Variants in DPP10 observed in about 807,000 individuals in gnomAD.
The protein encoded by DPP10 is inactive dipeptidyl peptidase 10.
In DPP10, 33 loss-of-function variants were observed where a neutral mutation model predicts 120.9. The ratio of observed to expected loss-of-function variants is 0.27; its 90% confidence interval spans 0.21 to 0.37. The LOEUF (loss-of-function observed/expected upper bound fraction) is 0.37, where lower values mean the gene tolerates loss of function less well. Among genes scored for constraint, DPP10 ranks in the 10% least tolerant of loss-of-function variants. DPP10 has a pLI of 1.00. For synonymous variants in DPP10, 337 were observed against 326.1 expected (o/e 1.03, Z -0.36); for missense variants, 816 against 942.8 (o/e 0.87, Z 1.76).
chr2:114,583,889 C>G (rs538232676), intron 1 of DPP10, among the ~76,000 whole-genome samples: 1 of 152,252 alleles, frequency 6.6e-6, no homozygotes, highest in Admixed American at 6.5e-5. Context: ...TGAATCCTTG[C>G]TTAATATAAT....
At chr2:115,666,566 T>C (rs926663223) in intron 5 of DPP10, among the ~76,000 whole-genome samples, 1 of 152,162 alleles carries the variant, frequency 6.6e-6, no homozygotes, top group Non-Finnish European at 1.5e-5. Context: ...GCTATATCCA[T>C]GATGCTGCAA....
chr2:115,629,228 G>C (rs1307903426), intron 5 of DPP10, among the ~76,000 whole-genome samples: 1 of 152,120 alleles, frequency 6.6e-6, no homozygotes, highest in Admixed American at 6.5e-5. Flanking sequence ...GTGGACATTT[G>C]GGTTGGTTCC....
intron 1 of DPP10, among the ~76,000 whole-genome samples, chr2:115,123,005 C>T (rs944149044): frequency 9.2e-5 from 14 of 152,272 alleles, no homozygotes; most frequent in African/African-American, 3.1e-4. Context: ...GGGTTGTACG[C>T]CCTCAGCCAA....
rs114905229 is a variant in DPP10, at chr2:115,598,391, A to G, written c.441+72419A>G. ...TCCCTTCCCTGCCTTCTTCTTAATT[A>G]CTTGAATATATTTTTAGAATTCAAT... On this transcript the variant is annotated intron_variant, in intron 5 of 25. Transcript: ENST00000410059. Among the ~76,000 whole-genome samples, 123 of 151,968 alleles carry G rather than the reference A, an allele frequency of 8.1e-4. 1 individual carries two copies. The highest frequency in any genetic ancestry group is 2.8e-3 in the African/African-American group (116 of 41,494).
chr2:115,521,245 A>G (rs959246044), intron 4 of DPP10, among the ~76,000 whole-genome samples: 21 of 152,340 alleles, frequency 1.4e-4, no homozygotes, highest in Admixed American at 3.3e-4. Context: ...CCCACCCGGT[A>G]GAGCATGTCA....
chr2:115,814,810 G>A lies in DPP10; in HGVS notation c.1718G>A (p.Gly573Asp). 6.4e-7 allele frequency: 1 copy of A among 1,553,498 alleles called. No individual in the cohort carries two copies. Among genetic ancestry groups the A allele is most frequent in the Non-Finnish European group, 8.8e-7 (1 of 1,136,942 alleles). Reference protein sequence around the residue: ...LLLIMDEEPGGQLVTDKFHID... With the variant: ...LLLIMDEEPGDQLVTDKFHID... ...ATTTGCAGGGATGAAGAACCAGGAG[G>A]CCAGCTGGTTACAGATAAGTTCCAT... Residue 573 changes from glycine (G) to aspartate (D), a missense_variant, in exon 20 of 26, where the codon GGC becomes GAC. This residue lies in a region of DPP10 where 592 missense variants were observed against 649.0 expected (regional missense o/e 0.91). Transcript: ENST00000410059.
chr2:114,500,664 AAAAAC>A (rs199948944), intron 1 of DPP10, among the ~76,000 whole-genome samples: 1,828 of 152,314 alleles, frequency 0.012, 39 homozygotes, highest in African/African-American at 0.04. Flanking sequence ...AGGATCCAGG[AAAAAC>A]AAAACAAAAC....
At chr2:115,639,100 G>A (rs553675201) in intron 5 of DPP10, among the ~76,000 whole-genome samples, 1 of 152,254 alleles carries the variant, frequency 6.6e-6, no homozygotes, top group East Asian at 1.9e-4. Flanking sequence ...AGTCAGCAGG[G>A]CCAGCTACTG....
intron 21 of DPP10, among the ~76,000 whole-genome samples, chr2:115,832,056 C>T (rs1045942738): frequency 3.3e-5 from 5 of 152,158 alleles, no homozygotes; most frequent in Non-Finnish European, 5.9e-5. Flanking sequence ...AAGTTGAAAG[C>T]GTTCTTATAT....
intron 1 of DPP10, among the ~76,000 whole-genome samples, chr2:114,986,430 C>A (rs1318619128): frequency 6.6e-6 from 1 of 152,184 alleles, no homozygotes; most frequent in African/African-American, 2.4e-5. Context: ...TTCCACCATT[C>A]TCAGCAATAT....
chr2:115,170,647 G>T (rs1011974214), intron 1 of DPP10, among the ~76,000 whole-genome samples: 2 of 152,080 alleles, frequency 1.3e-5, no homozygotes, highest in African/African-American at 4.8e-5. Flanking sequence ...AATAAATAAA[G>T]TGAACATATT....
At chr2:114,646,533 C>T (rs943760834) in intron 1 of DPP10, among the ~76,000 whole-genome samples, 2 of 152,128 alleles carry the variant, frequency 1.3e-5, no homozygotes, top group Admixed American at 6.5e-5. Context: ...GAGGAACTCC[C>T]CAAATTAATT....
rs1308652252 is a variant in DPP10, at chr2:115,843,612, T to C, written c.*1267T>C. On this transcript the variant is annotated 3_prime_UTR_variant, in exon 26 of 26. Transcript: ENST00000410059. The stretch of plus-strand genomic sequence containing the variant: ...AGCAGTGTTTGCTATTTACTTTGAA[T>C]TGAAGGCACAAAATGCATCAATTCC... The C allele has an allele frequency of 6.6e-6, 1 of 152,196 alleles. No homozygotes were observed. Among genetic ancestry groups the C allele is most frequent in the East Asian group, 1.9e-4 (1 of 5,190 alleles). The allele number at this position is 152,196 out of a possible 1,614,324, so 9.4% of individuals were successfully genotyped here. A position where few individuals can be genotyped will look rare whatever the true frequency, so the allele number is the denominator to read the frequency against.
intron 1 of DPP10, among the ~76,000 whole-genome samples, chr2:114,466,854 G>A (rs1679426392): frequency 6.6e-6 from 1 of 152,070 alleles, no homozygotes. Context: ...GACCAACATG[G>A]CCAACATGAT....
intron 2 of DPP10, among the ~76,000 whole-genome samples, chr2:115,334,722 T>A (rs1225588492): frequency 6.6e-6 from 1 of 152,014 alleles, no homozygotes; most frequent in Non-Finnish European, 1.5e-5. Context: ...ATTTTTTGTT[T>A]GTCTGAAAGT....
At chr2:115,339,896 C>T (rs535387951) in intron 2 of DPP10, among the ~76,000 whole-genome samples, 60 of 152,124 alleles carry the variant, frequency 3.9e-4, no homozygotes, top group Admixed American at 7.9e-4. Context: ...GATGCAGTTG[C>T]GTAGAACTAA....
chr2:115,294,997 A>G (rs796868888), intron 1 of DPP10, among the ~76,000 whole-genome samples: 8 of 152,200 alleles, frequency 5.3e-5, no homozygotes, highest in African/African-American at 1.9e-4. Flanking sequence ...AAACAAAGGA[A>G]AACTCTTAAT....
At chr2:115,205,732 G>T (rs1044309348) in intron 1 of DPP10, among the ~76,000 whole-genome samples, 1 of 152,144 alleles carries the variant, frequency 6.6e-6, no homozygotes. Flanking sequence ...TTGCAGTAAC[G>T]TGGATGCAGT....
chr2:115,198,389 C>T (rs1471190263), intron 1 of DPP10, among the ~76,000 whole-genome samples: 1 of 152,152 alleles, frequency 6.6e-6, no homozygotes, highest in Non-Finnish European at 1.5e-5. Context: ...TGTTTATTGT[C>T]TGAATTTGGC....
Sources: gnomAD v4.1 joint callset for allele counts (sites outside exome capture counted in the v4.1 genomes callset) on GRCh38, gnomAD v4.1.1 for gene constraint, gnomAD v4.1.1 regional missense constraint, MANE v1.5 for transcripts, NCBI Gene and HGNC (gene_info 2026-07-23, HGNC 2026-07-21) for gene names.